KIAA1328: variants seen among roughly 807,000 people sequenced by gnomAD.
KIAA1328 encodes KIAA1328.
KIAA1328 carries 52 observed loss-of-function variants against 68.1 expected under a neutral mutation model. The observed-to-expected ratio is 0.76, with a 90% CI of 0.61 to 0.96. KIAA1328 has a LOEUF of 0.96. Among genes scored for constraint, KIAA1328 ranks in the 40% least tolerant of loss-of-function variants. The pLI, the probability that KIAA1328 is intolerant of heterozygous loss-of-function variation, is 0.00. For missense variants in KIAA1328, 641 were observed against 677.6 expected (o/e 0.95, Z 0.60); for synonymous variants, 232 against 239.4 (o/e 0.97, Z 0.28).
chr18:36,976,051 C>T (rs564068324), intron 6 of KIAA1328, among the ~76,000 whole-genome samples: 57 of 152,326 alleles, frequency 3.7e-4, no homozygotes, highest in African/African-American at 1.4e-3. Flanking sequence ...TCTCTCAGAG[C>T]AGTACTGCTC....
At chr18:36,946,145 A>G (rs1260685628) in intron 5 of KIAA1328, 2 of 152,222 alleles carry the variant, frequency 1.3e-5, no homozygotes, top group African/African-American at 4.8e-5. Flanking sequence ...GAAATGTTAC[A>G]CTGCCCTAAA....
intron 5 of KIAA1328, among the ~76,000 whole-genome samples, chr18:36,916,048 T>C (rs1314318113): frequency 5.3e-5 from 8 of 152,300 alleles, no homozygotes; most frequent in African/African-American, 1.9e-4. Context: ...CTTTTCAATG[T>C]ATGTTTCTAA....
rs1244203811 is a variant in KIAA1328 at position 36,835,296 on chromosome 18, A to G, written c.157A>G (p.Lys53Glu). 5.6e-6 allele frequency: 9 copies of G among 1,613,812 alleles called. No individual in the cohort carries two copies. Among genetic ancestry groups the G allele is most frequent in the Non-Finnish European group, 7.6e-6 (9 of 1,179,768 alleles). The change falls in exon 3 of 10, where the codon AAA becomes GAA. Residue 53 changes from lysine to glutamate, a missense_variant. Coordinates refer to ENST00000280020, the MANE Select transcript of KIAA1328 (RefSeq NM_020776.3). ...HKLMSPKADV[K>E]LKTSRVTDAS... ...GCTGATGAGTCCAAAAGCTGATGTT[A>G]AACTTAAGACTTCCAGGGTGACTGA...
intron 6 of KIAA1328, among the ~76,000 whole-genome samples, chr18:36,977,271 A>G (rs990321373): frequency 1.2e-4 from 18 of 152,162 alleles, no homozygotes; most frequent in Non-Finnish European, 2.5e-4. Context: ...TCCTTTTCTC[A>G]TTGGCTAGCT....
intron 5 of KIAA1328, among the ~76,000 whole-genome samples, chr18:36,897,596 A>G (rs550873167): frequency 8.5e-5 from 13 of 152,078 alleles, no homozygotes; most frequent in Non-Finnish European, 1.9e-4. Context: ...AGGACAGCCT[A>G]TGATATGGTG....
chr18:37,028,268 C>G (rs185977903), intron 6 of KIAA1328, among the ~76,000 whole-genome samples: 1 of 151,994 alleles, frequency 6.6e-6, no homozygotes, highest in African/African-American at 2.4e-5. Context: ...TAGCTGTATT[C>G]GAAAATATTT....
chr18:36,849,537 A>T (rs2047144258), intron 4 of KIAA1328, among the ~76,000 whole-genome samples: 1 of 151,930 alleles, frequency 6.6e-6, no homozygotes, highest in Admixed American at 6.6e-5. Flanking sequence ...TATTCTGTCC[A>T]CCTTCTTTCT....
At chr18:36,966,626 G>T (rs888847151) in intron 6 of KIAA1328, among the ~76,000 whole-genome samples, 1 of 152,178 alleles carries the variant, frequency 6.6e-6, no homozygotes, top group African/African-American at 2.4e-5. Context: ...TAATAAATGA[G>T]TTCAGCGAGG....
intron 6 of KIAA1328, among the ~76,000 whole-genome samples, chr18:37,022,775 CGGTTTTG>C (rs1222352026): frequency 2.0e-5 from 3 of 152,078 alleles, no homozygotes; most frequent in Admixed American, 2.0e-4. Context: ...TCTTCTACTG[CGGTTTTG>C]CTCTCATTAA....
chr18:36,945,268 C>A (rs1215533014), intron 5 of KIAA1328, among the ~76,000 whole-genome samples: 1 of 152,090 alleles, frequency 6.6e-6, no homozygotes. Flanking sequence ...ACCAGTGTTT[C>A]AGAATCATTC....
intron 7 of KIAA1328, among the ~76,000 whole-genome samples, chr18:37,151,578 A>ATAAATAGAT (rs990297618): frequency 1.3e-5 from 2 of 152,322 alleles, no homozygotes; most frequent in Non-Finnish European, 2.9e-5. Flanking sequence ...CTTAAGATGC[A>ATAAATAGAT]TAAATAGATC....
intron 7 of KIAA1328, among the ~76,000 whole-genome samples, chr18:37,116,897 G>C (rs1451161107): frequency 6.6e-6 from 1 of 152,090 alleles, no homozygotes; most frequent in Admixed American, 6.5e-5. Flanking sequence ...GCAGCCAACA[G>C]ACATATGAAA....
At chr18:37,084,912 G>T (rs2057058241) in intron 7 of KIAA1328, among the ~76,000 whole-genome samples, 1 of 152,066 alleles carries the variant, frequency 6.6e-6, no homozygotes. Context: ...CTAAAGGGTA[G>T]GCCTTGAACC....
intron 7 of KIAA1328, among the ~76,000 whole-genome samples, chr18:37,133,527 T>A (rs796374824): frequency 5.8e-4 from 83 of 144,006 alleles, no homozygotes; most frequent in African/African-American, 2.1e-3. Flanking sequence ...ATATAGTAAT[T>A]TTTTTTTTTT....
intron 7 of KIAA1328, among the ~76,000 whole-genome samples, chr18:37,072,239 C>T (rs2056561158): frequency 6.7e-6 from 1 of 150,286 alleles, no homozygotes; most frequent in Non-Finnish European, 1.5e-5. Context: ...TTCTTATTTT[C>T]ACATCACTTC....
intron 5 of KIAA1328, among the ~76,000 whole-genome samples, chr18:36,948,081 C>G: frequency 6.6e-6 from 1 of 151,972 alleles, no homozygotes; most frequent in East Asian, 1.9e-4. Context: ...CCAAGAGCGG[C>G]CTTCATTCAG....
At chr18:36,958,820 A>G (rs1187187499) in intron 5 of KIAA1328, among the ~76,000 whole-genome samples, 1 of 151,942 alleles carries the variant, frequency 6.6e-6, no homozygotes, top group Non-Finnish European at 1.5e-5. Flanking sequence ...TTGAAACACA[A>G]TCATTTTACA....
rs562836633 is a variant in KIAA1328, at chr18:36,959,389, C to G, written c.530C>G (p.Thr177Ser). The change falls in exon 6 of 10, where the codon ACC becomes AGC. Residue 177 changes from threonine to serine, a missense_variant. Transcript: ENST00000280020. ...KYLSEQQEKL[T>S]MSLSELGAAR... ...TTATCAGAACAACAGGAGAAGCTCACCATGTCTCTCTCAGAACTTGGTGCT... is the reference window on the plus strand; with the variant it reads ...TTATCAGAACAACAGGAGAAGCTCAGCATGTCTCTCTCAGAACTTGGTGCT... 1.3e-5 allele frequency: 21 copies of G among 1,609,382 alleles called. No individual in the cohort carries two copies. In the Admixed American group the frequency reaches 3.5e-4, roughly 27 times the overall value.
chr18:37,029,290 C>A (rs1568312400), intron 6 of KIAA1328, among the ~76,000 whole-genome samples: 1 of 151,720 alleles, frequency 6.6e-6, no homozygotes, highest in African/African-American at 2.4e-5. Flanking sequence ...TCTGGGTTTT[C>A]CAGTTTGTGT....
Sources: allele counts gnomAD v4.1 joint callset (sites outside exome capture counted in the v4.1 genomes callset), GRCh38; gene constraint gnomAD v4.1.1; transcripts MANE v1.5; gene names NCBI Gene and HGNC (gene_info 2026-07-23, HGNC 2026-07-21).